The following CNOT4 variants were observed in gnomAD, a reference collection of about 807,000 sequenced individuals.
The protein encoded by CNOT4 is CCR4-associated factor 4.
A neutral mutation model predicts 73.8 loss-of-function variants in CNOT4; 8 were observed. The observed-to-expected ratio is 0.11, with a 90% CI of 0.06 to 0.20. The LOEUF is 0.20. Among genes scored for constraint, CNOT4 ranks in the 10% least tolerant of loss-of-function variants. The pLI, the probability that CNOT4 is intolerant of heterozygous loss-of-function variation, is 1.00. For synonymous variants in CNOT4, 293 were observed against 321.1 expected, an observed-to-expected ratio of 0.91 and a Z score of 0.94; for missense variants, 564 against 883.4, an observed-to-expected ratio of 0.64 and a Z score of 4.58.
chr7:135,492,097 A>C (rs1803150045), intron 1 of CNOT4, among the ~76,000 whole-genome samples: 1 of 152,164 alleles, frequency 6.6e-6, no homozygotes, highest in African/African-American at 2.4e-5. Context: ...CCATCAACTG[A>C]GAGTGAGTAT....
intron 1 of CNOT4, among the ~76,000 whole-genome samples, chr7:135,466,748 C>T (rs906508394): frequency 6.6e-6 from 1 of 152,096 alleles, no homozygotes; most frequent in African/African-American, 2.4e-5. Context: ...CATATTTTTA[C>T]TATACCTTTT....
intron 7 of CNOT4, among the ~76,000 whole-genome samples, chr7:135,401,594 C>A (rs1797006045): frequency 6.6e-6 from 1 of 151,860 alleles, no homozygotes; most frequent in Non-Finnish European, 1.5e-5. Flanking sequence ...TTTAAAAAAA[C>A]CATTTGTACA....
chr7:135,419,666 T>C (rs1798069409), intron 3 of CNOT4, among the ~76,000 whole-genome samples: 1 of 152,154 alleles, frequency 6.6e-6, no homozygotes, highest in Non-Finnish European at 1.5e-5. Flanking sequence ...TCTCTTTCAG[T>C]AGTCACTACT....
chr7:135,502,054 T>A lies in CNOT4; in HGVS notation c.-93+7835A>T, dbSNP rs1305043245. On this transcript the variant is annotated intron_variant, in intron 1 of 11. Transcript: ENST00000541284. ...GTTCTCTCACCCTCTCTTGCTCTTC[T>A]ACCTTACACCATGGGATGACATAGC... 2.6e-5 allele frequency among the ~76,000 whole-genome samples: 4 copies of A among 152,312 alleles called. No homozygotes were observed. The East Asian group carries it at 7.7e-4, about 29-fold the overall frequency.
rs1472907078 is a variant in CNOT4, at chr7:135,396,418, T to TG, written c.880-536_880-535insC. On this transcript the variant is annotated intron_variant, in intron 8 of 11. Coordinates refer to ENST00000541284, the MANE Select transcript of CNOT4 (RefSeq NM_001190850.2). ...AGGCATGAGCCACCGTGCCCGGCCA[T>TG]CTCCTCTCTTTTTACAACTTTACTT... Among the ~76,000 whole-genome samples, 176 of 152,168 alleles carry TG rather than the reference T, an allele frequency of 1.2e-3. No homozygotes were observed. The South Asian group carries it at 0.012, about 10-fold the overall frequency.
At chr7:135,479,856 C>A (rs1020382572) in intron 1 of CNOT4, among the ~76,000 whole-genome samples, 1 of 152,080 alleles carries the variant, frequency 6.6e-6, no homozygotes, top group Admixed American at 6.5e-5. Flanking sequence ...CACCACTGCA[C>A]TCCAGGCTGG....
intron 1 of CNOT4, among the ~76,000 whole-genome samples, chr7:135,451,794 T>C (rs1020731835): frequency 6.6e-6 from 1 of 152,216 alleles, no homozygotes; most frequent in Non-Finnish European, 1.5e-5. Flanking sequence ...TCTTCTATAA[T>C]AGCAATTAAT....
chr7:135,480,053 A>G (rs905065655), intron 1 of CNOT4, among the ~76,000 whole-genome samples: 1 of 152,232 alleles, frequency 6.6e-6, no homozygotes, highest in African/African-American at 2.4e-5. Context: ...ACATAATAAG[A>G]TAACTTGCAA....
At chr7:135,429,215 C>T (rs1323263424) in intron 2 of CNOT4, among the ~76,000 whole-genome samples, 2 of 152,090 alleles carry the variant, frequency 1.3e-5, no homozygotes, top group Admixed American at 6.5e-5. Flanking sequence ...TGTGTTTGAT[C>T]TTGAATTTCA....
intron 1 of CNOT4, among the ~76,000 whole-genome samples, chr7:135,442,522 A>T (rs1013112357): frequency 1.3e-5 from 2 of 152,134 alleles, no homozygotes; most frequent in African/African-American, 4.8e-5. Context: ...TTGCTTGAAC[A>T]CAGGAGGCGG....
chr7:135,434,892 C>T (rs1047760170), intron 2 of CNOT4, among the ~76,000 whole-genome samples: 1 of 152,154 alleles, frequency 6.6e-6, no homozygotes, highest in Non-Finnish European at 1.5e-5. Flanking sequence ...ACCCTGCAGT[C>T]ATCCTCAACT....
At chr7:135,404,463 CA>C (rs1346137757) in intron 7 of CNOT4, among the ~76,000 whole-genome samples, 1 of 152,160 alleles carries the variant, frequency 6.6e-6, no homozygotes, top group African/African-American at 2.4e-5. Context: ...AGAATGTGCA[CA>C]GATGCAAAAT....
intron 7 of CNOT4, among the ~76,000 whole-genome samples, chr7:135,399,630 C>G (rs1796898331): frequency 6.6e-6 from 1 of 151,964 alleles, no homozygotes; most frequent in Non-Finnish European, 1.5e-5. Flanking sequence ...ACAAAGTCCC[C>G]TTTCAAACAG....
chr7:135,492,542 T>G (rs1312221985), intron 1 of CNOT4, among the ~76,000 whole-genome samples: 1 of 152,100 alleles, frequency 6.6e-6, no homozygotes, highest in East Asian at 1.9e-4. Context: ...ACTGTTGAGT[T>G]GAGGTACCAG....
rs374538900 is a variant in CNOT4, at chr7:135,363,032, C to T, written c.1995G>A (p.Pro665=). ...AGGGATTCCAACTGGCTCTGTGCAG[C>T]GGGATCTGTGTGCTGAAGGGGGCGC... is the stretch of plus-strand genomic sequence containing the variant. The part of the protein sequence containing the change: ...HHSAPFSTQI[P]LHRASWNPYP... The change falls in exon 12 of 12, where the codon CCG becomes CCA. Residue 665 remains proline, a synonymous_variant. Transcript: ENST00000541284. This position sits in a 1 kb window ranked among gnomAD's most constrained non-coding sequence, Gnocchi z 4.3. 58 of 1,611,362 alleles carry T rather than the reference C, an allele frequency of 3.6e-5. No homozygotes were observed. The highest frequency in any genetic ancestry group is 8.9e-5 in the East Asian group (4 of 44,798).
chr7:135,428,770 G>T (rs1407027754), intron 2 of CNOT4, among the ~76,000 whole-genome samples: 4 of 152,084 alleles, frequency 2.6e-5, no homozygotes, highest in Admixed American at 6.6e-5. Flanking sequence ...AGAGAAAAAA[G>T]GTTGTATCTG....
intron 7 of CNOT4, among the ~76,000 whole-genome samples, chr7:135,404,586 AAG>A (rs1274128630): frequency 6.6e-6 from 1 of 152,238 alleles, no homozygotes; most frequent in East Asian, 1.9e-4. Context: ...TCTAAATCTC[AAG>A]AGTTTTACCA....
chr7:135,412,803 G>A (rs1335846487), intron 6 of CNOT4, among the ~76,000 whole-genome samples: 1 of 151,968 alleles, frequency 6.6e-6, no homozygotes, highest in African/African-American at 2.4e-5. Context: ...CTACAATAGG[G>A]AAGTGCAGCA....
intron 1 of CNOT4, among the ~76,000 whole-genome samples, chr7:135,473,068 T>C (rs1801745558): frequency 6.6e-6 from 1 of 152,038 alleles, no homozygotes; most frequent in African/African-American, 2.4e-5. Context: ...TTTATAGTCT[T>C]ACTGACATTA....
Sources: gnomAD v4.1 joint callset for allele counts (sites outside exome capture counted in the v4.1 genomes callset) on GRCh38, gnomAD v4.1.1 for gene constraint, Gnocchi (gnomAD v3.1) non-coding constraint, MANE v1.5 for transcripts, NCBI Gene and HGNC (gene_info 2026-07-23, HGNC 2026-07-21) for gene names.